Variants in TRAF3 observed in about 807,000 individuals in gnomAD.
The protein encoded by TRAF3 is TNF receptor associated factor 3, also known as TNF receptor-associated factor 3.
Under a neutral mutation model 62.3 loss-of-function variants are expected in TRAF3, and 13 were observed. That is an observed-to-expected ratio of 0.21 (90% confidence interval 0.14 to 0.33). TRAF3 has a LOEUF of 0.33. Among genes scored for constraint, TRAF3 ranks in the 10% least tolerant of loss-of-function variants. The pLI is 1.00. For missense variants in TRAF3, 440 were observed against 741.8 expected (o/e 0.59, Z 4.73); for synonymous variants, 269 against 283.4 (o/e 0.95, Z 0.51).
chr14:102,842,715 CA>C (rs1426507484), intron 2 of TRAF3, among the ~76,000 whole-genome samples: 6 of 152,068 alleles, frequency 3.9e-5, no homozygotes, highest in Non-Finnish European at 8.8e-5. Context: ...CAAAAGCTTT[CA>C]AAGCAGCCAG....
At chr14:102,784,195 C>T (rs1021134510) in intron 1 of TRAF3, among the ~76,000 whole-genome samples, 1 of 146,378 alleles carries the variant, frequency 6.8e-6, no homozygotes, top group Non-Finnish European at 1.5e-5. Flanking sequence ...CCAACGTTTG[C>T]TCCTGGGAAG....
intron 8 of TRAF3, among the ~76,000 whole-genome samples, chr14:102,890,154 C>T (rs1213766465): frequency 6.6e-6 from 1 of 152,212 alleles, no homozygotes; most frequent in East Asian, 1.9e-4. Context: ...TCCCCGAGAA[C>T]AGTGTGGGGA....
intron 1 of TRAF3, among the ~76,000 whole-genome samples, chr14:102,800,283 T>A (rs1206975951): frequency 6.6e-6 from 1 of 152,222 alleles, no homozygotes; most frequent in Admixed American, 6.5e-5. Context: ...GCTTTAGGAA[T>A]GCAGTTTCCC....
chr14:102,817,669 TTAAAGG>T lies in TRAF3; in HGVS notation c.-156-12659_-156-12654del, dbSNP rs1899616959. ...GAGGTATTATAGGTATGCTATGGAG[TTAAAGG>T]TAAAGTTTGCATGAATTTCGAATAC... On this transcript the variant is annotated intron_variant, in intron 1 of 11. Coordinates refer to ENST00000392745, the MANE Select transcript of TRAF3 (RefSeq NM_145725.3). 2.6e-5 allele frequency among the ~76,000 whole-genome samples: 4 copies of T among 151,962 alleles called. No individual in the cohort carries two copies. In the South Asian group the frequency reaches 8.3e-4, roughly 32 times the overall value.
intron 2 of TRAF3, among the ~76,000 whole-genome samples, chr14:102,831,036 C>T (rs1048940335): frequency 6.6e-6 from 1 of 152,176 alleles, no homozygotes; most frequent in Non-Finnish European, 1.5e-5. Context: ...TGAAAGAAGA[C>T]TGAGATTTTA....
chr14:102,895,227 G>A (rs547029897), intron 9 of TRAF3: 37 of 391,828 alleles, frequency 9.4e-5, no homozygotes, highest in Admixed American at 9.2e-4. Flanking sequence ...GTTCATGGAC[G>A]TATGAGGCAA....
chr14:102,895,155 A>G (rs929783087), intron 9 of TRAF3: 1 of 455,250 alleles, frequency 2.2e-6, no homozygotes, highest in Non-Finnish European at 4.4e-6. Flanking sequence ...AGAGGGACAC[A>G]ACTACCACGC....
chr14:102,817,830 C>G (rs192103934), intron 1 of TRAF3, among the ~76,000 whole-genome samples: 1 of 152,308 alleles, frequency 6.6e-6, no homozygotes, highest in Non-Finnish European at 1.5e-5. Flanking sequence ...TCTATTGTTA[C>G]GTTGTTAAGT....
chr14:102,895,834 T>C (rs1027962913), intron 9 of TRAF3, among the ~76,000 whole-genome samples: 3 of 152,190 alleles, frequency 2.0e-5, no homozygotes, highest in African/African-American at 7.2e-5. Context: ...AAGCCCTCCC[T>C]TTGGCTGATG....
At chr14:102,871,068 C>T (rs1186356589) in intron 3 of TRAF3, among the ~76,000 whole-genome samples, 1 of 152,248 alleles carries the variant, frequency 6.6e-6, no homozygotes, top group African/African-American at 2.4e-5. Context: ...TGGCATTGTG[C>T]TGGGTGCTGG....
chr14:102,887,626 G>A (rs943492023), intron 7 of TRAF3, among the ~76,000 whole-genome samples: 1 of 151,168 alleles, frequency 6.6e-6, no homozygotes, highest in Admixed American at 6.6e-5. Flanking sequence ...ACGGAGTCTC[G>A]CTCTGTCACT....
chr14:102,887,310 G>A (rs1263664504), intron 7 of TRAF3, among the ~76,000 whole-genome samples: 1 of 152,198 alleles, frequency 6.6e-6, no homozygotes, highest in African/African-American at 2.4e-5. Flanking sequence ...TGGATACTGG[G>A]TAACAGGGAG....
chr14:102,879,406 T>C (rs928827446), intron 6 of TRAF3, among the ~76,000 whole-genome samples: 5 of 152,020 alleles, frequency 3.3e-5, no homozygotes, highest in African/African-American at 9.7e-5. Flanking sequence ...CATAGGTGCA[T>C]GCTACCATGC....
At chr14:102,849,143 C>G (rs948346734) in intron 2 of TRAF3, among the ~76,000 whole-genome samples, 2 of 152,168 alleles carry the variant, frequency 1.3e-5, no homozygotes, top group Admixed American at 1.3e-4. Flanking sequence ...AACAATTGAT[C>G]GAAACATTAT....
chr14:102,895,254 T>G (rs1889942924), intron 9 of TRAF3: 2 of 337,512 alleles, frequency 5.9e-6, no homozygotes, highest in South Asian at 2.4e-5. Flanking sequence ...AAGGAAAGCC[T>G]TTGCGGAGTA....
chr14:102,839,417 A>G (rs983321923), intron 2 of TRAF3, among the ~76,000 whole-genome samples: 1 of 151,738 alleles, frequency 6.6e-6, no homozygotes, highest in African/African-American at 2.4e-5. Flanking sequence ...ACGGGGTTTC[A>G]CCTTGTGGGC....
chr14:102,810,980 G>A (rs534811162), intron 1 of TRAF3, among the ~76,000 whole-genome samples: 1 of 152,214 alleles, frequency 6.6e-6, no homozygotes, highest in East Asian at 1.9e-4. Flanking sequence ...CTCGGTAAAG[G>A]TATCTTAACT....
chr14:102,870,774 C>G (rs1205834900), intron 3 of TRAF3, among the ~76,000 whole-genome samples: 1 of 152,168 alleles, frequency 6.6e-6, no homozygotes, highest in African/African-American at 2.4e-5. Flanking sequence ...AAATGACAAG[C>G]CAGTCATTTA....
intron 1 of TRAF3, among the ~76,000 whole-genome samples, chr14:102,812,174 C>G (rs1020139827): frequency 1.3e-5 from 2 of 151,924 alleles, no homozygotes; most frequent in Non-Finnish European, 2.9e-5. Context: ...CCTTCCTAAC[C>G]TCTAGTATCC....
Sources: allele counts gnomAD v4.1 joint callset (sites outside exome capture counted in the v4.1 genomes callset), GRCh38; gene constraint gnomAD v4.1.1; transcripts MANE v1.5; gene names NCBI Gene and HGNC (gene_info 2026-07-23, HGNC 2026-07-21).